SLC9D1: variants seen among roughly 807,000 people sequenced by gnomAD.
SLC9D1 encodes the protein putative LAG1-interacting protein.
the SLC9D1 span, among the ~76,000 whole-genome samples, chr13:113,513,956 C>T: frequency 3.3e-5 from 5 of 152,034 alleles, no homozygotes; most frequent in African/African-American, 4.8e-5. Flanking sequence ...GCCGGGGGGT[C>T]GGGGCCCACA....
the SLC9D1 span, among the ~76,000 whole-genome samples, chr13:113,516,537 G>A: frequency 1.4e-5 from 2 of 147,924 alleles, no homozygotes; most frequent in African/African-American, 5.0e-5. Context: ...CTGCACTCCA[G>A]CCTGGGCCAC....
chr13:113,527,001 A>T, the SLC9D1 span, among the ~76,000 whole-genome samples: 27,853 of 152,230 alleles, frequency 0.18, 3,360 homozygotes, highest in African/African-American at 0.34. Context: ...AGCAGGAGGC[A>T]GTGCCAGGCG....
chr13:113,526,726 T>C, the SLC9D1 span, among the ~76,000 whole-genome samples: 3 of 152,168 alleles, frequency 2.0e-5, no homozygotes, highest in Non-Finnish European at 4.4e-5. Flanking sequence ...CTCAGTTTAG[T>C]GTAGCCTGAG....
At chr13:113,526,677 C>G in the SLC9D1 span, among the ~76,000 whole-genome samples, 1 of 152,224 alleles carries the variant, frequency 6.6e-6, no homozygotes, top group African/African-American at 2.4e-5. Context: ...TGTGATCATA[C>G]CGCTGCTCTC....
chr13:113,514,329 A>G, the SLC9D1 span: 5 of 152,238 alleles, frequency 3.3e-5, no homozygotes, highest in Admixed American at 3.3e-4. Flanking sequence ...TGTATCAAGA[A>G]CGTCTGTAAA....
the SLC9D1 span, among the ~76,000 whole-genome samples, chr13:113,531,108 A>G: frequency 1.1e-4 from 16 of 152,322 alleles, no homozygotes; most frequent in African/African-American, 3.4e-4. Context: ...TGCCACCATC[A>G]GTGGACCCAC....
chr13:113,549,704 C>T, the SLC9D1 span: 2 of 865,430 alleles, frequency 2.3e-6, no homozygotes, highest in South Asian at 2.7e-5. Context: ...ATATTCTTGT[C>T]CTATTTTAGA....
chr13:113,494,226 G>A, the SLC9D1 span, among the ~76,000 whole-genome samples: 42 of 152,298 alleles, frequency 2.8e-4, no homozygotes, highest in Admixed American at 1.0e-3. Context: ...GTAAATCTGC[G>A]TAAGTGGTAG....
At chr13:113,507,407 T>C in the SLC9D1 span, among the ~76,000 whole-genome samples, 1 of 152,234 alleles carries the variant, frequency 6.6e-6, no homozygotes, top group Non-Finnish European at 1.5e-5. Context: ...TTTTCTGAAC[T>C]GATGAGCCTC....
chr13:113,525,914 G>A, the SLC9D1 span, among the ~76,000 whole-genome samples: 4 of 150,690 alleles, frequency 2.7e-5, no homozygotes, highest in African/African-American at 4.9e-5. Context: ...AGCCGTCGTC[G>A]TCGTAGGAGA....
the SLC9D1 span, chr13:113,498,550 A>C: frequency 6.5e-7 from 1 of 1,534,412 alleles, no homozygotes; most frequent in South Asian, 1.3e-5. Context: ...CTGCTTCTTC[A>C]CCTCCTGAGC....
the SLC9D1 span, among the ~76,000 whole-genome samples, chr13:113,531,492 C>T: frequency 1.4e-3 from 216 of 151,520 alleles, no homozygotes; most frequent in African/African-American, 4.7e-3. Context: ...GAGCAGCATG[C>T]GTGTGGACCT....
the SLC9D1 span, among the ~76,000 whole-genome samples, chr13:113,509,476 G>A: frequency 2.3e-4 from 35 of 152,126 alleles, no homozygotes; most frequent in African/African-American, 7.2e-4. Context: ...AGGCTTCTTG[G>A]GTGGGCTCTC....
At chr13:113,537,954 C>T in the SLC9D1 span, among the ~76,000 whole-genome samples, 1,516 of 152,042 alleles carry the variant, frequency 1.0e-2, 11 homozygotes, top group Non-Finnish European at 0.014. Flanking sequence ...TGTGTGCATG[C>T]ATGTGTGTGC....
At chr13:113,522,807 T>C in the SLC9D1 span, among the ~76,000 whole-genome samples, 1 of 152,100 alleles carries the variant, frequency 6.6e-6, no homozygotes, top group Admixed American at 6.6e-5. Flanking sequence ...AATTTTCATA[T>C]TTTTAGTAGA....
the SLC9D1 span, among the ~76,000 whole-genome samples, chr13:113,543,083 G>A: frequency 1.6e-5 from 1 of 61,968 alleles, no homozygotes; most frequent in Non-Finnish European, 3.1e-5. Flanking sequence ...CCCTACCTCT[G>A]TCTGTGACCC....
At chr13:113,496,089 A>C in the SLC9D1 span, 2 of 1,176,632 alleles carry the variant, frequency 1.7e-6, no homozygotes, top group Non-Finnish European at 1.2e-6. Flanking sequence ...AGAGAGGGAG[A>C]GTGCGTGCCC....
At chr13:113,548,755 AAGT>A in the SLC9D1 span, among the ~76,000 whole-genome samples, 1 of 152,210 alleles carries the variant, frequency 6.6e-6, no homozygotes, top group Non-Finnish European at 1.5e-5. Context: ...GTGTGCACAT[AAGT>A]AGCACCCCAG....
chr13:113,525,577 TG>T, the SLC9D1 span, among the ~76,000 whole-genome samples: 2 of 130,064 alleles, frequency 1.5e-5, no homozygotes, highest in Admixed American at 1.6e-4. Context: ...ACGACAGCTC[TG>T]TGCCGGTTAT....
Sources: allele counts gnomAD v4.1 joint callset (sites outside exome capture counted in the v4.1 genomes callset), GRCh38; gene constraint gnomAD v4.1.1; transcripts MANE v1.5; gene names NCBI Gene and HGNC (gene_info 2026-07-23, HGNC 2026-07-21).